The following SLC38A4 variants were observed in gnomAD, a reference collection of about 807,000 sequenced individuals.
SLC38A4 encodes the protein solute carrier family 38 member 4.
In SLC38A4, 20 loss-of-function variants were observed where a neutral mutation model predicts 63.1. The observed-to-expected ratio is 0.32, with a 90% CI of 0.22 to 0.46. SLC38A4 has a LOEUF of 0.46. SLC38A4 is among the 20% of genes least tolerant of loss of function. The pLI is 1.00. For synonymous variants in SLC38A4, 230 were observed against 225.5 expected, an observed-to-expected ratio of 1.02 and a Z score of -0.18; for missense variants, 526 against 663.6, an observed-to-expected ratio of 0.79 and a Z score of 2.28.
chr12:46,768,276 A>G (rs1565660928), intron 16 of SLC38A4, 34 bp downstream of exon 16: 1 of 1,455,508 alleles, frequency 6.9e-7, no homozygotes, highest in East Asian at 2.3e-5. Context: ...TGGAAGAACA[A>G]CTAATAATGG....
Position 46,808,324 on chromosome 12 carries a change from G to A in SLC38A4, c.-304-4530C>T, listed in dbSNP as rs112654427. ...TTTTGAGGAAATTGCTTAGCTGATC[G>A]CACGCCCCTCTCTTCAACCCAACCT... On this transcript the variant is annotated intron_variant, in intron 1 of 16. Transcript: ENST00000266579. Among the ~76,000 whole-genome samples the A allele has an allele frequency of 9.3e-3, 1,407 of 151,962 alleles. 19 individuals carry two copies. The highest frequency in any genetic ancestry group is 0.069 in the South Asian group (333 of 4,820).
At chr12:46,822,120 T>C (rs768872057) in intron 1 of SLC38A4, among the ~76,000 whole-genome samples, 4 of 152,154 alleles carry the variant, frequency 2.6e-5, no homozygotes, top group Non-Finnish European at 4.4e-5. Context: ...AATGTATGCA[T>C]ATGAAATGTG....
intron 1 of SLC38A4, among the ~76,000 whole-genome samples, chr12:46,818,561 T>TC (rs1939484668): frequency 6.6e-6 from 1 of 151,700 alleles, no homozygotes; most frequent in African/African-American, 2.4e-5. Flanking sequence ...TATGAAAAAA[T>TC]TTAAATTTAA....
chr12:46,802,624 C>T (rs1274149921), intron 2 of SLC38A4, among the ~76,000 whole-genome samples: 4 of 151,870 alleles, frequency 2.6e-5, no homozygotes, highest in East Asian at 3.9e-4. Context: ...AAATATAAAT[C>T]GAAACTGGAG....
chr12:46,785,830 T>C (rs906825629), intron 5 of SLC38A4, among the ~76,000 whole-genome samples: 2 of 151,216 alleles, frequency 1.3e-5, no homozygotes, highest in Admixed American at 1.3e-4. Flanking sequence ...TTTATACGGA[T>C]TGGTATTTTT....
chr12:46,768,059 T>C (rs1022286254), intron 16 of SLC38A4, among the ~76,000 whole-genome samples: 4 of 152,132 alleles, frequency 2.6e-5, no homozygotes, highest in Admixed American at 6.6e-5. Flanking sequence ...CTGAAGCATA[T>C]GTGTCTGTGG....
At chr12:46,821,596 G>A (rs1457496480) in intron 1 of SLC38A4, among the ~76,000 whole-genome samples, 1 of 151,946 alleles carries the variant, frequency 6.6e-6, no homozygotes, top group Non-Finnish European at 1.5e-5. Context: ...AGTTACTATA[G>A]CTTTGTAATA....
rs767075672 is a variant in SLC38A4 at position 46,778,681 on chromosome 12, C to T, written c.813G>A (p.Val271=). The T allele has an allele frequency of 6.2e-7, 1 of 1,612,806 alleles. No homozygotes were observed. ...LSFNNTLPMH[V]VMLPNNSESS... is the part of the protein sequence containing the mutation. ...TCTCAGAGTTGTTGGGTAACATTACCACATGCATTGGAAGCGTGTTGTTGA... is the reference window on the plus strand; with the variant it reads ...TCTCAGAGTTGTTGGGTAACATTACTACATGCATTGGAAGCGTGTTGTTGA... Residue 271 remains valine (V), a synonymous_variant, in exon 11 of 17, where the codon GTG becomes GTA. Coordinates refer to ENST00000266579, the MANE Select transcript of SLC38A4 (RefSeq NM_018018.5).
chr12:46,794,514 G>C lies in SLC38A4; in HGVS notation c.-112-1331C>G, dbSNP rs185277604. Among the ~76,000 whole-genome samples the C allele has an allele frequency of 2.6e-5, 4 of 151,342 alleles. No homozygotes were observed. In the East Asian group the frequency reaches 7.8e-4, roughly 29 times the overall value. On this transcript the variant is annotated intron_variant, in intron 2 of 16. Coordinates refer to ENST00000266579, the MANE Select transcript of SLC38A4 (RefSeq NM_018018.5). ...ATAAAGGAATATAAAAGGAGAACAGGCTGTTGCAAAAAGAGTCAAAAAAAG... is the reference window on the plus strand; with the variant it reads ...ATAAAGGAATATAAAAGGAGAACAGCCTGTTGCAAAAAGAGTCAAAAAAAG...
intron 7 of SLC38A4, among the ~76,000 whole-genome samples, chr12:46,782,651 T>G (rs988146217): frequency 6.6e-6 from 1 of 151,722 alleles, no homozygotes; most frequent in South Asian, 2.1e-4. Context: ...AAAAAATAAT[T>G]CAGGCAACTC....
At chr12:46,829,206 A>T (rs1199638716), upstream of SLC38A4, among the ~76,000 whole-genome samples, 1 of 152,226 alleles carries the variant, frequency 6.6e-6, no homozygotes, top group Non-Finnish European at 1.5e-5. Flanking sequence ...AGGGCTTAGT[A>T]TAAAGACTGG....
chr12:46,805,410 T>A (rs1450590533), intron 1 of SLC38A4, among the ~76,000 whole-genome samples: 1 of 152,218 alleles, frequency 6.6e-6, no homozygotes, highest in East Asian at 1.9e-4. Context: ...AACAATTAAG[T>A]ATCTGGTTCA....
chr12:46,820,710 G>A (rs1295307965), intron 1 of SLC38A4, among the ~76,000 whole-genome samples: 3 of 151,874 alleles, frequency 2.0e-5, no homozygotes, highest in African/African-American at 4.8e-5. Context: ...GGGATTGTAG[G>A]ATCATATAGT....
chr12:46,770,814 T>C (rs1215515454), intron 14 of SLC38A4, among the ~76,000 whole-genome samples: 1 of 152,144 alleles, frequency 6.6e-6, no homozygotes, highest in Non-Finnish European at 1.5e-5. Flanking sequence ...TTTTTGGAAA[T>C]GCTGTGATTG....
At chr12:46,776,709 G>A (rs1453365961) in intron 13 of SLC38A4, among the ~76,000 whole-genome samples, 195 bp downstream of exon 13, 1 of 151,978 alleles carries the variant, frequency 6.6e-6, no homozygotes, top group Non-Finnish European at 1.5e-5. Flanking sequence ...ACAAATTCTT[G>A]TAACTTGTTA....
intron 3 of SLC38A4, 116 bp from the exon 4 acceptor site, chr12:46,788,734 C>T (rs1938818208): frequency 1.1e-6 from 1 of 900,456 alleles, no homozygotes; most frequent in African/African-American, 1.7e-5. Flanking sequence ...ATAAGACACC[C>T]CAATTTTCTT....
chr12:46,813,066 C>T (rs1397466452), intron 1 of SLC38A4, among the ~76,000 whole-genome samples: 1 of 151,882 alleles, frequency 6.6e-6, no homozygotes, highest in Non-Finnish European at 1.5e-5. Flanking sequence ...GAATGGTTGA[C>T]ATCAGTGTCT....
intron 1 of SLC38A4, among the ~76,000 whole-genome samples, chr12:46,831,739 C>T (rs1330139155): frequency 2.6e-5 from 4 of 152,220 alleles, no homozygotes; most frequent in Non-Finnish European, 4.4e-5. Context: ...AGCCTTCCAC[C>T]CAGTGTCCCC....
At chr12:46,820,769 C>T (rs897753218) in intron 1 of SLC38A4, among the ~76,000 whole-genome samples, 1 of 151,890 alleles carries the variant, frequency 6.6e-6, no homozygotes, top group Non-Finnish European at 1.5e-5. Flanking sequence ...TTCCATATTG[C>T]CTGTACTAAT....
Sources: allele counts gnomAD v4.1 joint callset (sites outside exome capture counted in the v4.1 genomes callset), GRCh38; gene constraint gnomAD v4.1.1; transcripts MANE v1.5; gene names NCBI Gene and HGNC (gene_info 2026-07-23, HGNC 2026-07-21).